FZR1: variants seen among roughly 807,000 people sequenced by gnomAD.
The protein encoded by FZR1 is fizzy-related protein homolog.
FZR1 carries 11 observed loss-of-function variants against 63.6 expected under a neutral mutation model. The observed-to-expected ratio is 0.17, with a 90% CI of 0.11 to 0.29. The LOEUF (loss-of-function observed/expected upper bound fraction) is 0.29, where lower values mean the gene tolerates loss of function less well. Ranked by LOEUF, FZR1 falls within the 10% of genes least tolerant of loss-of-function variation. FZR1 has a pLI of 1.00. For synonymous variants in FZR1, 328 were observed against 297.9 expected (o/e 1.10, Z -1.04); for missense variants, 440 against 687.5 (o/e 0.64, Z 4.03).
chr19:3,519,293 CT>C (rs1348673933), intron 1 of FZR1, among the ~76,000 whole-genome samples: 1 of 152,246 alleles, frequency 6.6e-6, no homozygotes, highest in South Asian at 2.1e-4. Flanking sequence ...CCCTACGCCC[CT>C]GGCAGTCCGG....
intron 1 of FZR1, among the ~76,000 whole-genome samples, chr19:3,508,043 C>T (rs73525985): frequency 0.014 from 2,056 of 151,822 alleles, 42 homozygotes; most frequent in African/African-American, 0.048. Context: ...GCCAGTTTGC[C>T]CCTGTGACTT....
rs1048757619 is a variant in FZR1, at chr19:3,535,143, C to G, written c.*307C>G. On this transcript the variant is annotated 3_prime_UTR_variant, in exon 14 of 14. Transcript: ENST00000441788. ...GTCTGTACTCAGAGCGACGGATGCC[C>G]CCTGGGACCCTCACTGCCTCCGTCT... 6.7e-6 allele frequency: 3 copies of G among 446,474 alleles called. No homozygotes were observed. The highest frequency in any genetic ancestry group is 3.5e-5 in the Admixed American group (1 of 28,248). The allele number at this position is 446,474 out of a possible 1,614,324, so 27.7% of individuals were successfully genotyped here. A position where few individuals can be genotyped will look rare whatever the true frequency, so the allele number is the denominator to read the frequency against.
In FZR1 at chr19:3,536,588, G is replaced by A. The variant is rs1425465668; in HGVS notation, c.*1752G>A. On this transcript the variant is annotated 3_prime_UTR_variant, in exon 14 of 14. Transcript: ENST00000441788. ...AGTGCACAACCCACAGTGGCCTTCA[G>A]AGGCTCCTCCTGGGACTGGGAACCG... 2 of 152,324 alleles carry A rather than the reference G, an allele frequency of 1.3e-5. No individual in the cohort carries two copies. Among genetic ancestry groups the A allele is most frequent in the African/African-American group, 4.8e-5 (2 of 41,470 alleles). 9.4% of individuals were successfully genotyped at this position (152,324 alleles called of 1,614,324 possible). A position where few individuals can be genotyped will look rare whatever the true frequency, so the allele number is the denominator to read the frequency against.
At chr19:3,527,508 G>T (rs756713499) in intron 6 of FZR1, 123 bp from the exon 7 acceptor site, 1 of 705,794 alleles carries the variant, frequency 1.4e-6, no homozygotes, top group Non-Finnish European at 2.4e-6. Flanking sequence ...ACATGGTGGC[G>T]GTGGTGATTG....
At chr19:3,528,391 G>T in intron 7 of FZR1, among the ~76,000 whole-genome samples, 1 of 152,296 alleles carries the variant, frequency 6.6e-6, no homozygotes, top group Admixed American at 6.5e-5. Context: ...AGCTGCTCCC[G>T]CTGGCAGTGT....
intron 1 of FZR1, among the ~76,000 whole-genome samples, chr19:3,517,178 C>G (rs941106642): frequency 1.3e-5 from 2 of 150,614 alleles, no homozygotes; most frequent in African/African-American, 4.9e-5. Flanking sequence ...TTGCTTGAGC[C>G]CAGAAGTTCG....
At position 3,532,467 on chromosome 19, in the gene FZR1, G is replaced by A. The variant is rs1339225228; in HGVS notation, c.1059G>A (p.Glu353=). ...TGAGCCCCGTGCAGCAGTACACGGAGCACCTGGCGGCCGTGAAGGCCATCG... is the reference window on the plus strand; with the variant it reads ...TGAGCCCCGTGCAGCAGTACACGGAACACCTGGCGGCCGTGAAGGCCATCG... The part of the protein sequence containing the change: ...SSLSPVQQYT[E]HLAAVKAIAW... The change falls in exon 11 of 14, where the codon GAG becomes GAA. Residue 353 remains glutamate, a synonymous_variant. Coordinates refer to ENST00000441788, the MANE Select transcript of FZR1 (RefSeq NM_016263.4). 6.2e-7 allele frequency: 1 copy of A among 1,602,524 alleles called. No individual in the cohort carries two copies. The highest frequency in any genetic ancestry group is 8.5e-7 in the Non-Finnish European group (1 of 1,173,116).
rs200040976 is a variant in FZR1, at chr19:3,532,388, G to A, written c.1009-29G>A. 9 of 1,548,488 alleles carry A rather than the reference G, an allele frequency of 5.8e-6. No homozygotes were observed. The African/African-American group carries it at 1.1e-4, about 19-fold the overall frequency. ...CCTATGGGACCACAGGGCTGGGACA[G>A]CCCCGGCCTCACAGCCCCTGTCCCC... On this transcript the variant is annotated intron_variant, in intron 10 of 13. Coordinates refer to ENST00000441788, the MANE Select transcript of FZR1 (RefSeq NM_016263.4).
In FZR1 at chr19:3,537,740, G is replaced by C. The variant is rs766899788; in HGVS notation, c.*2904G>C. ...AGAAGAGGGTGAAGGAGCTGGGGCA[G>C]GCCCCATCCTGGGCATTGGAGATGA... On this transcript the variant is annotated 3_prime_UTR_variant, in exon 14 of 14. Coordinates refer to ENST00000441788, the MANE Select transcript of FZR1 (RefSeq NM_016263.4). The C allele has an allele frequency of 6.5e-6, 1 of 152,704 alleles. No homozygotes were observed. Among genetic ancestry groups the C allele is most frequent in the Non-Finnish European group, 1.5e-5 (1 of 68,444 alleles). 9.5% of individuals were successfully genotyped at this position (152,704 alleles called of 1,614,324 possible).
rs1298686191 is a variant in FZR1 at position 3,523,588 on chromosome 19, A to G, written c.69+530A>G. On this transcript the variant is annotated intron_variant, in intron 2 of 13. Coordinates refer to ENST00000441788, the MANE Select transcript of FZR1 (RefSeq NM_016263.4). Reference sequence around the variant, plus strand: ...GACTCCTGCGGGGGGCTGAGGGGCCAAACTCCTGTTGCTGTCTACACAACA... The same window carrying G: ...GACTCCTGCGGGGGGCTGAGGGGCCGAACTCCTGTTGCTGTCTACACAACA... Among the ~76,000 whole-genome samples the G allele has an allele frequency of 2.0e-5, 3 of 152,232 alleles. No homozygotes were observed. The South Asian group carries it at 6.2e-4, about 31-fold the overall frequency.
At chr19:3,513,264 C>T (rs2083036587) in intron 1 of FZR1, among the ~76,000 whole-genome samples, 7 of 152,188 alleles carry the variant, frequency 4.6e-5, no homozygotes, top group Admixed American at 3.9e-4. Context: ...GGCCCACCCC[C>T]GAGCTCTGTC....
chr19:3,533,451 A>ATTC lies in FZR1; in HGVS notation c.1347+54_1347+55insTCT. The ATTC allele has an allele frequency of 2.8e-6, 3 of 1,089,546 alleles. No homozygotes were observed. Among genetic ancestry groups the ATTC allele is most frequent in the Non-Finnish European group, 4.2e-6 (3 of 706,172 alleles). 67.5% of individuals were successfully genotyped at this position (1,089,546 alleles called of 1,614,324 possible). A position where few individuals can be genotyped will look rare whatever the true frequency, so the allele number is the denominator to read the frequency against. On this transcript the variant is annotated intron_variant, in intron 12 of 13. Transcript: ENST00000441788. The surrounding 1 kb of genome is among the most constrained non-coding windows in gnomAD (Gnocchi z 4.9). ...GCCCCGGGATTCTGGACAAACTGCC[A>ATTC]TGGCCACCCCAGAGCACCCTGTCCT... is the stretch of plus-strand genomic sequence containing the variant.
At chr19:3,509,181 G>A (rs2083007123) in intron 1 of FZR1, among the ~76,000 whole-genome samples, 1 of 152,226 alleles carries the variant, frequency 6.6e-6, no homozygotes, top group South Asian at 2.1e-4. Flanking sequence ...GGCCACTTAT[G>A]TTCTCGTCCA....
Position 3,526,509 on chromosome 19 carries a change from C to A in FZR1, c.387+123C>A, listed in dbSNP as rs1014807520. On this transcript the variant is annotated intron_variant, in intron 5 of 13. Transcript: ENST00000441788. The surrounding 1 kb of genome is among the most constrained non-coding windows in gnomAD (Gnocchi z 5.4). ...TCTCGGGCCCAGCCACGGCTCAGCA[C>A]CCCCGCCCTGACCCTGTTCCTTAGC... 2 of 721,832 alleles carry A rather than the reference C, an allele frequency of 2.8e-6. No individual in the cohort carries two copies. The highest frequency in any genetic ancestry group is 1.7e-5 in the South Asian group (1 of 58,304). 44.7% of individuals were successfully genotyped at this position (721,832 alleles called of 1,614,324 possible).
At chr19:3,532,993 C>T (rs549222259) in intron 11 of FZR1, among the ~76,000 whole-genome samples, 15 of 151,958 alleles carry the variant, frequency 9.9e-5, no homozygotes, top group African/African-American at 2.4e-4. Context: ...CCAGCCACTC[C>T]GGGCGTGTCA....
At chr19:3,532,830 C>CAGG (rs2083261791) in intron 11 of FZR1, among the ~76,000 whole-genome samples, 180 bp downstream of exon 11, 1 of 152,190 alleles carries the variant, frequency 6.6e-6, no homozygotes, top group Non-Finnish European at 1.5e-5. Flanking sequence ...TGGGCCTCAT[C>CAGG]AGGGCCTCAC....
Position 3,515,422 on chromosome 19 carries a change from C to T in FZR1, c.-34-7534C>T, listed in dbSNP as rs986368514. Among the ~76,000 whole-genome samples, 2 of 151,378 alleles carry T rather than the reference C, an allele frequency of 1.3e-5. No homozygotes were observed. Among genetic ancestry groups the T allele is most frequent in the Non-Finnish European group, 2.9e-5 (2 of 68,030 alleles). ...CTCATCCGGAGCCTGCCTGGCCCAT[C>T]TCTGACCGTGGTTTGTTTTTTTGAA... On this transcript the variant is annotated intron_variant, in intron 1 of 13. Transcript: ENST00000441788. The surrounding 1 kb of genome is among the most constrained non-coding windows in gnomAD (Gnocchi z 4.6).
At chr19:3,517,782 C>T (rs1240755025) in intron 1 of FZR1, among the ~76,000 whole-genome samples, 1 of 152,018 alleles carries the variant, frequency 6.6e-6, no homozygotes, top group Non-Finnish European at 1.5e-5. Context: ...ATTGCATCAC[C>T]AAGGTCTCTG....
chr19:3,534,621 C>T (rs934699360), intron 13 of FZR1, 108 bp downstream of exon 13: 15 of 919,260 alleles, frequency 1.6e-5, no homozygotes, highest in African/African-American at 1.3e-4. Context: ...CCCCCACTTC[C>T]GAGCTTCCCT....
Sources: gnomAD v4.1 joint callset for allele counts (sites outside exome capture counted in the v4.1 genomes callset) on GRCh38, gnomAD v4.1.1 for gene constraint, Gnocchi (gnomAD v3.1) non-coding constraint, MANE v1.5 for transcripts, NCBI Gene and HGNC (gene_info 2026-07-23, HGNC 2026-07-21) for gene names.